Variants in SYT16 observed in about 807,000 individuals in gnomAD.
The protein encoded by SYT16 is synaptotagmin 16.
A neutral mutation model predicts 61.4 loss-of-function variants in SYT16; 42 were observed. That is an observed-to-expected ratio of 0.68 (90% CI 0.53 to 0.89). The LOEUF is 0.89. Ranked by LOEUF, SYT16 falls within the 40% of genes least tolerant of loss-of-function variation. SYT16 has a pLI of 0.00. For synonymous variants in SYT16, 314 were observed against 302.3 expected (o/e 1.04, Z -0.40); for missense variants, 804 against 807.3 (o/e 1.00, Z 0.05).
intron 3 of SYT16, 81 bp downstream of exon 3, chr14:61,996,623 T>C (rs2140633528): frequency 6.7e-7 from 1 of 1,486,594 alleles, no homozygotes; most frequent in Non-Finnish European, 9.0e-7. Flanking sequence ...TTTTTAGTTA[T>C]CATGTGGATT....
Position 61,916,822 on chromosome 14 carries a change from T to C in SYT16, c.-324-53310T>C, listed in dbSNP as rs191778185. Among the ~76,000 whole-genome samples the C allele has an allele frequency of 2.3e-3, 347 of 152,268 alleles. 3 individuals carry two copies. The highest frequency in any genetic ancestry group is 7.5e-3 in the Admixed American group (115 of 15,282). ...CACTTTTTTTCTTTTGGCTCCCACATATAAGTAAGAACATGAGATATTTGT... is the reference window on the plus strand; with the variant it reads ...CACTTTTTTTCTTTTGGCTCCCACACATAAGTAAGAACATGAGATATTTGT... On this transcript the variant is annotated intron_variant, in intron 1 of 7. Coordinates refer to ENST00000683842, the MANE Select transcript of SYT16 (RefSeq NM_001367656.1).
intron 1 of SYT16, among the ~76,000 whole-genome samples, chr14:61,883,103 T>C (rs1181304646): frequency 6.6e-6 from 1 of 152,172 alleles, no homozygotes; most frequent in African/African-American, 2.4e-5. Flanking sequence ...CAGGAATCCA[T>C]TTTTCCCTCC....
At chr14:61,971,173 T>A (rs1206375210) in intron 2 of SYT16, among the ~76,000 whole-genome samples, 1 of 152,228 alleles carries the variant, frequency 6.6e-6, no homozygotes, top group African/African-American at 2.4e-5. Context: ...TCAGCTTTTT[T>A]GCCTTGTTAC....
chr14:61,849,033 C>T (rs1383006081), intron 1 of SYT16, among the ~76,000 whole-genome samples: 1 of 152,144 alleles, frequency 6.6e-6, no homozygotes, highest in Non-Finnish European at 1.5e-5. Context: ...GGTGATGAAT[C>T]CTGCCAGGAC....
In SYT16 at chr14:62,112,399, A is replaced by G. The variant is rs2057623661; in HGVS notation, c.*11692A>G. ...ATAAATTCTAATTGCTTTTTGTTTA[A>G]AACAGAAACATAGAAGAAGCATTAG... On this transcript the variant is annotated 3_prime_UTR_variant, in exon 8 of 8. Transcript: ENST00000683842. The G allele has an allele frequency of 6.6e-6, 1 of 152,146 alleles. No homozygotes were observed. The highest frequency in any genetic ancestry group is 2.4e-5 in the African/African-American group (1 of 41,444). The allele number at this position is 152,146 out of a possible 1,614,324, so 9.4% of individuals were successfully genotyped here.
intron 1 of SYT16, among the ~76,000 whole-genome samples, chr14:61,844,815 A>G (rs951945797): frequency 9.2e-5 from 14 of 152,150 alleles, no homozygotes; most frequent in Admixed American, 7.2e-4. Flanking sequence ...TTGCATCAAT[A>G]TTCATCAGAG....
intron 1 of SYT16, chr14:61,832,054 C>T (rs148310364): frequency 1.4e-6 from 1 of 709,980 alleles, no homozygotes; most frequent in South Asian, 1.4e-5. Context: ...AACATGGCAG[C>T]GCCCACAACC....
rs149585947 is a variant in SYT16 at position 61,958,992 on chromosome 14, T to C, written c.-324-11140T>C. Among the ~76,000 whole-genome samples, 659 of 152,266 alleles carry C rather than the reference T, an allele frequency of 4.3e-3. 1 individual carries two copies. The highest frequency in any genetic ancestry group is 0.017 in the Middle Eastern group (5 of 294). On this transcript the variant is annotated intron_variant, in intron 1 of 7. Transcript: ENST00000683842. ...CCCTGTAGAATTGACCCTTTTGTCATTATGAAATGCCCTTCTTTGTCTCTT... is the reference window on the plus strand; with the variant it reads ...CCCTGTAGAATTGACCCTTTTGTCACTATGAAATGCCCTTCTTTGTCTCTT...
intron 3 of SYT16, among the ~76,000 whole-genome samples, chr14:62,054,041 A>C (rs2055429088): frequency 6.6e-6 from 1 of 152,244 alleles, no homozygotes; most frequent in Non-Finnish European, 1.5e-5. Context: ...AAGCTGGGGA[A>C]AGAAACATGA....
At chr14:61,939,620 G>A (rs140697291) in intron 1 of SYT16, among the ~76,000 whole-genome samples, 265 of 152,236 alleles carry the variant, frequency 1.7e-3, no homozygotes, top group Admixed American at 3.1e-3. Context: ...GATGCCAGTC[G>A]TGTTGGATCT....
At chr14:62,016,636 C>G (rs954986312) in intron 3 of SYT16, among the ~76,000 whole-genome samples, 17 of 151,828 alleles carry the variant, frequency 1.1e-4, no homozygotes, top group African/African-American at 4.1e-4. Context: ...TGGCATGAAC[C>G]CGGGAGGCAG....
chr14:61,858,299 T>C (rs909114630), intron 1 of SYT16, among the ~76,000 whole-genome samples: 7 of 152,224 alleles, frequency 4.6e-5, no homozygotes, highest in Admixed American at 1.3e-4. Context: ...GATCTTTCTT[T>C]CTCCTTTCCC....
rs191112850 is a variant in SYT16 at position 61,938,854 on chromosome 14, G to C, written c.-324-31278G>C. 2.9e-3 allele frequency among the ~76,000 whole-genome samples: 448 copies of C among 152,354 alleles called. 1 individual carries two copies. The highest frequency in any genetic ancestry group is 3.3e-3 in the Non-Finnish European group (222 of 68,038). Reference sequence around the variant, plus strand: ...AGGATATAAAAAGGACAGACATGAGGCTGGGTGCGGTGGCTCACGCCTGTA... The same window carrying C: ...AGGATATAAAAAGGACAGACATGAGCCTGGGTGCGGTGGCTCACGCCTGTA... On this transcript the variant is annotated intron_variant, in intron 1 of 7. Transcript: ENST00000683842.
At chr14:62,094,161 G>T (rs1291289296) in intron 7 of SYT16, among the ~76,000 whole-genome samples, 1 of 152,058 alleles carries the variant, frequency 6.6e-6, no homozygotes, top group Non-Finnish European at 1.5e-5. Flanking sequence ...CAATTCTGGT[G>T]TAAAGACCAC....
At chr14:62,073,393 G>C (rs1296136485) in intron 4 of SYT16, among the ~76,000 whole-genome samples, 2 of 152,076 alleles carry the variant, frequency 1.3e-5, no homozygotes, top group Non-Finnish European at 2.9e-5. Flanking sequence ...GTGAGGAATG[G>C]GTGTGCTAAT....
At chr14:61,950,131 T>G (rs1322232612) in intron 1 of SYT16, among the ~76,000 whole-genome samples, 1 of 152,228 alleles carries the variant, frequency 6.6e-6, no homozygotes, top group African/African-American at 2.4e-5. Flanking sequence ...GCCCCAGATA[T>G]CCACATCCCC....
intron 3 of SYT16, among the ~76,000 whole-genome samples, chr14:62,050,472 C>T (rs1472553154): frequency 2.0e-5 from 3 of 152,186 alleles, no homozygotes; most frequent in East Asian, 1.9e-4. Context: ...TCTCTCAACT[C>T]GTCAAAGTTA....
At chr14:62,080,688 C>T (rs1444535947) in intron 5 of SYT16, 146 bp from the exon 6 acceptor site, 2 of 775,356 alleles carry the variant, frequency 2.6e-6, no homozygotes, top group African/African-American at 3.5e-5. Flanking sequence ...AGCGATAGAC[C>T]AGTAAACAGA....
intron 2 of SYT16, among the ~76,000 whole-genome samples, chr14:61,979,076 T>C (rs2140555425): frequency 6.6e-6 from 1 of 152,332 alleles, no homozygotes; most frequent in Non-Finnish European, 1.5e-5. Context: ...CATTCTGTTT[T>C]CCTTTTATGC....
Sources: gnomAD v4.1 joint callset for allele counts (sites outside exome capture counted in the v4.1 genomes callset) on GRCh38, gnomAD v4.1.1 for gene constraint, MANE v1.5 for transcripts, NCBI Gene and HGNC (gene_info 2026-07-23, HGNC 2026-07-21) for gene names.